The following HIPK1 variants were observed in gnomAD, a reference collection of about 807,000 sequenced individuals.
The protein encoded by HIPK1 is homeodomain-interacting protein kinase 1.
HIPK1 carries 28 observed loss-of-function variants against 117.1 expected under a neutral mutation model. That is an observed-to-expected ratio of 0.24 (90% confidence interval 0.18 to 0.33). The LOEUF is 0.33. HIPK1 is among the 10% of genes least tolerant of loss of function. HIPK1 has a pLI of 1.00. For synonymous variants in HIPK1, 605 were observed against 562.5 expected (o/e 1.08, Z -1.07); for missense variants, 1,122 against 1,475.1 (o/e 0.76, Z 3.92).
Position 113,944,541 on chromosome 1 carries a change from T to C in HIPK1, c.1076+3082T>C, listed in dbSNP as rs1454274814. ...GCTCTGTTGCCAGGCTGGAGTGCAG[T>C]GGCACAATCTCGGTTCACTGCAACC... On this transcript the variant is annotated intron_variant, in intron 2 of 15. Transcript: ENST00000426820. Among the ~76,000 whole-genome samples the C allele has an allele frequency of 2.0e-5, 3 of 151,022 alleles. No individual in the cohort carries two copies. The South Asian group carries it at 6.3e-4, about 32-fold the overall frequency.
In HIPK1 at chr1:113,963,402, C is replaced by G. The variant is rs781006035; in HGVS notation, c.2119C>G (p.Leu707Val). The G allele has an allele frequency of 1.2e-6, 2 of 1,614,218 alleles. No homozygotes were observed. Among genetic ancestry groups the G allele is most frequent in the South Asian group, 2.2e-5 (2 of 91,090 alleles). Reference sequence around the variant, plus strand: ...TACGTTTCAGGGAAGCTGTACACCACTAATGGTAGCAACTCTCCACCCTCA... The same window carrying G: ...TACGTTTCAGGGAAGCTGTACACCAGTAATGGTAGCAACTCTCCACCCTCA... ...GVLTQGSCTP[L>V]MVATLHPQVA... Residue 707 changes from leucine (L) to valine (V), a missense_variant, in exon 10 of 16, where the codon CTA becomes GTA. By Grantham distance (32) the Leu-to-Val change is conservative. This residue lies in a region of HIPK1 where 731 missense variants were observed against 860.4 expected (regional missense o/e 0.85). Transcript: ENST00000426820.
At chr1:113,950,369 A>AATCTGG (rs1287809288) in intron 2 of HIPK1, among the ~76,000 whole-genome samples, 1 of 152,180 alleles carries the variant, frequency 6.6e-6, no homozygotes, top group African/African-American at 2.4e-5. Context: ...GAGGAATCTG[A>AATCTGG]ATCTGGATCT....
intron 15 of HIPK1, 79 bp from the exon 16 acceptor site, chr1:113,972,945 C>A: frequency 6.9e-7 from 1 of 1,456,628 alleles, no homozygotes. Flanking sequence ...CAAGTCAGAA[C>A]CTGAGCTCTT....
chr1:113,957,108 T>G lies in HIPK1; in HGVS notation c.1593-16T>G. On this transcript the variant is annotated splice_polypyrimidine_tract_variant and intron_variant, in intron 6 of 15. Coordinates refer to ENST00000426820, the MANE Select transcript of HIPK1 (RefSeq NM_198268.3). ...ATCTCAGCATTCATTTAATGAATCT[T>G]TAATCTCCTTTTCAGTGTTAAGTCT... 2.5e-6 allele frequency: 4 copies of G among 1,601,376 alleles called. No homozygotes were observed. The highest frequency in any genetic ancestry group is 3.4e-6 in the Non-Finnish European group (4 of 1,169,628).
At position 113,975,095 on chromosome 1, in the gene HIPK1, G is replaced by C. The variant is rs900793425; in HGVS notation, c.*1583G>C. 1.3e-5 allele frequency: 2 copies of C among 152,824 alleles called. No individual in the cohort carries two copies. Among genetic ancestry groups the C allele is most frequent in the Non-Finnish European group, 2.9e-5 (2 of 68,108 alleles). The allele number at this position is 152,824 out of a possible 1,614,324, so 9.5% of individuals were successfully genotyped here. Reference sequence around the variant, plus strand: ...TGTGTCTGGTGAGGAGTTTTTCAGTGTGTGTCTCTTCCTTCCCTTTCTTCC... The same window carrying C: ...TGTGTCTGGTGAGGAGTTTTTCAGTCTGTGTCTCTTCCTTCCCTTTCTTCC... On this transcript the variant is annotated 3_prime_UTR_variant, in exon 16 of 16. Coordinates refer to ENST00000426820, the MANE Select transcript of HIPK1 (RefSeq NM_198268.3).
chr1:113,956,067 A>ATTTTTTTTTT (rs755763487), intron 5 of HIPK1, among the ~76,000 whole-genome samples: 6 of 91,830 alleles, frequency 6.5e-5, no homozygotes, highest in Non-Finnish European at 1.2e-4. Context: ...TACTTGTTCC[A>ATTTTTTTTTT]TTTTTTTTTT....
At position 113,972,033 on chromosome 1, in the gene HIPK1, T is replaced by A. The variant is rs941570829; in HGVS notation, c.3144+79T>A. 3 of 1,613,102 alleles carry A rather than the reference T, an allele frequency of 1.9e-6. No homozygotes were observed. In the African/African-American group the frequency reaches 4.0e-5, roughly 22 times the overall value. On this transcript the variant is annotated intron_variant, in intron 15 of 15. Transcript: ENST00000426820. ...CTGGAGAACCCTGCTTCTGGCTGGA[T>A]GCTGAATAAAGCCAAATGAAGCCCC...
In HIPK1 at chr1:113,929,572, A is replaced by G. The variant is rs914355850; in HGVS notation, c.-3+40A>G. 1.9e-5 allele frequency: 24 copies of G among 1,265,394 alleles called. 1 individual carries two copies. The East Asian group carries it at 1.2e-3, about 66-fold the overall frequency. 78.4% of individuals were successfully genotyped at this position (1,265,394 alleles called of 1,614,324 possible). A position where few individuals can be genotyped will look rare whatever the true frequency, so the allele number is the denominator to read the frequency against. ...GCGGGGCGGGTGAATAGTTCCGGCG[A>G]GGCGGGGCCGGCCGGGTTGAGGGAC... On this transcript the variant is annotated intron_variant, in intron 1 of 15. Coordinates refer to ENST00000426820, the MANE Select transcript of HIPK1 (RefSeq NM_198268.3).
At chr1:113,957,936 T>C (rs893080788) in intron 7 of HIPK1, 130 bp from the exon 8 acceptor site, 2 of 694,850 alleles carry the variant, frequency 2.9e-6, no homozygotes, top group African/African-American at 3.6e-5. Context: ...AGCAGAGAGT[T>C]ATTTCAGAGG....
Position 113,940,700 on chromosome 1 carries a change from T to A in HIPK1, c.317T>A (p.Leu106Gln). Residue 106 changes from leucine to glutamine, a missense_variant, in exon 2 of 16, where the codon CTG becomes CAG. Around this residue, in one of 6 missense-constraint regions of HIPK1, gnomAD observed 192 missense variants for 234.0 expected, o/e 0.82. Coordinates refer to ENST00000426820, the MANE Select transcript of HIPK1 (RefSeq NM_198268.3). ...ATSTFQSSQTLTHRSNVSLLE... is the reference protein window; with the variant it reads ...ATSTFQSSQTQTHRSNVSLLE... ...TCAACCTTCCAAAGCAGCCAGACCCTGACTCACAGAAGCAACGTTTCTTTG... is the reference window on the plus strand; with the variant it reads ...TCAACCTTCCAAAGCAGCCAGACCCAGACTCACAGAAGCAACGTTTCTTTG... 1 of 1,614,206 alleles carries A rather than the reference T, an allele frequency of 6.2e-7. No individual in the cohort carries two copies. The highest frequency in any genetic ancestry group is 8.5e-7 in the Non-Finnish European group (1 of 1,180,044).
intron 14 of HIPK1, 98 bp downstream of exon 14, chr1:113,970,295 T>G (rs1048235430): frequency 8.7e-5 from 113 of 1,293,276 alleles, no homozygotes; most frequent in Non-Finnish European, 1.2e-4. Flanking sequence ...TAGAGACCAG[T>G]GGTGTAGACA....
At chr1:113,972,016 C>A (rs1161116627) in intron 15 of HIPK1, 62 bp downstream of exon 15, 10 of 1,612,852 alleles carry the variant, frequency 6.2e-6, no homozygotes, top group Non-Finnish European at 8.5e-6. Flanking sequence ...TTCTGGAGAA[C>A]CCTGCTTCTG....
intron 1 of HIPK1, 182 bp downstream of exon 1, chr1:113,929,714 C>A: frequency 6.4e-6 from 4 of 628,446 alleles, no homozygotes; most frequent in Non-Finnish European, 6.0e-6. Context: ...GGGGCTGAGG[C>A]GGCGGCGGCG....
At chr1:113,972,032 A>C (rs1672866928) in intron 15 of HIPK1, 78 bp downstream of exon 15, 1 of 1,612,990 alleles carries the variant, frequency 6.2e-7, no homozygotes, top group Non-Finnish European at 8.5e-7. Flanking sequence ...TTCTGGCTGG[A>C]TGCTGAATAA....
chr1:113,941,454 C>T lies in HIPK1; in HGVS notation c.1071C>T (p.Tyr357=), dbSNP rs1670629564. The change falls in exon 2 of 16, where the codon TAC becomes TAT. Residue 357 remains tyrosine, a synonymous_variant. Coordinates refer to ENST00000426820, the MANE Select transcript of HIPK1 (RefSeq NM_198268.3). This position sits in a 1 kb window ranked among gnomAD's most constrained non-coding sequence, Gnocchi z 4.9. ...GCTCAACCTACTTACAGTCACGTTA[C>T]TACAGGCAAGTGGCAAATGCTGAAA... ...AVCSTYLQSR[Y]YRAPEIILGL... is the part of the protein sequence containing the mutation. 6.2e-7 allele frequency: 1 copy of T among 1,609,306 alleles called. No homozygotes were observed. Among genetic ancestry groups the T allele is most frequent in the East Asian group, 2.2e-5 (1 of 44,796 alleles).
At chr1:113,964,164 GAT>G (rs142878587) in intron 10 of HIPK1, among the ~76,000 whole-genome samples, 3,956 of 152,242 alleles carry the variant, frequency 0.026, 90 homozygotes, top group Middle Eastern at 0.088. Flanking sequence ...TTAGAATGTA[GAT>G]CATATTGTAG....
intron 9 of HIPK1, among the ~76,000 whole-genome samples, chr1:113,963,021 A>G (rs867896952): frequency 6.6e-6 from 1 of 152,228 alleles, no homozygotes; most frequent in African/African-American, 2.4e-5. Flanking sequence ...AACAAACAGT[A>G]TATTTTATAT....
At chr1:113,951,324 A>AAT in intron 2 of HIPK1, 2 of 956,072 alleles carry the variant, frequency 2.1e-6, no homozygotes, top group South Asian at 4.8e-5. Context: ...GAAACAGTGT[A>AAT]ATATATAATA....
At chr1:113,930,313 C>T (rs1669783437) in intron 1 of HIPK1, among the ~76,000 whole-genome samples, 1 of 152,234 alleles carries the variant, frequency 6.6e-6, no homozygotes, top group Non-Finnish European at 1.5e-5. Context: ...TGCGTGTGTA[C>T]TTCACAGCTC....
Sources: gnomAD v4.1 joint callset for allele counts (sites outside exome capture counted in the v4.1 genomes callset) on GRCh38, gnomAD v4.1.1 for gene constraint, gnomAD v4.1.1 regional missense constraint, Gnocchi (gnomAD v3.1) non-coding constraint, MANE v1.5 for transcripts, NCBI Gene and HGNC (gene_info 2026-07-23, HGNC 2026-07-21) for gene names.